Variants in GDPD5 observed in about 807,000 individuals in gnomAD.
GDPD5 encodes glycerophosphodiester phosphodiesterase 2.
Under a neutral mutation model 75.1 loss-of-function variants are expected in GDPD5, and 48 were observed. That is an observed-to-expected ratio of 0.64 (90% CI 0.51 to 0.81). The LOEUF is 0.81. Ranked by LOEUF, GDPD5 falls within the 40% of genes least tolerant of loss-of-function variation. The probability of loss-of-function intolerance (pLI) is 0.00; values close to 1 mark genes in which losing one functional copy is unlikely to be tolerated. For missense variants in GDPD5, 706 were observed against 822.6 expected (o/e 0.86, Z 1.73); for synonymous variants, 336 against 339.0 (o/e 0.99, Z 0.10).
intron 15 of GDPD5, chr11:75,439,261 T>A: frequency 4.5e-6 from 2 of 444,802 alleles, no homozygotes; most frequent in Admixed American, 2.4e-5. Flanking sequence ...GCACGGTGGG[T>A]TTTTAGACAG....
At chr11:75,443,624 T>A (rs1388428077) in intron 10 of GDPD5, among the ~76,000 whole-genome samples, 2 of 152,224 alleles carry the variant, frequency 1.3e-5, no homozygotes, top group Non-Finnish European at 2.9e-5. Flanking sequence ...GAGAGGGAAG[T>A]ATCTAGCTCA....
At chr11:75,436,044 C>T (rs770572106) in intron 16 of GDPD5, among the ~76,000 whole-genome samples, 10 of 152,164 alleles carry the variant, frequency 6.6e-5, no homozygotes, top group Non-Finnish European at 1.0e-4. Context: ...GGAACCTCAT[C>T]GGAGCCCTGG....
chr11:75,492,919 G>A (rs948419349), intron 1 of GDPD5, among the ~76,000 whole-genome samples: 20 of 151,974 alleles, frequency 1.3e-4, no homozygotes, highest in African/African-American at 3.1e-4. Context: ...TAGTAGAGAC[G>A]AGGTTTCACC....
At chr11:75,471,650 C>T (rs1019515679) in intron 3 of GDPD5, among the ~76,000 whole-genome samples, 1 of 152,062 alleles carries the variant, frequency 6.6e-6, no homozygotes, top group South Asian at 2.1e-4. Flanking sequence ...GGTGATAGTC[C>T]CCTGGTAATG....
At chr11:75,514,678 C>G (rs1592163712) in intron 1 of GDPD5, among the ~76,000 whole-genome samples, 1 of 152,250 alleles carries the variant, frequency 6.6e-6, no homozygotes, top group African/African-American at 2.4e-5. Context: ...CAGGCACTGA[C>G]AGGGCACATC....
intron 4 of GDPD5, 88 bp from the exon 5 acceptor site, chr11:75,457,874 C>T (rs866371434): frequency 2.0e-5 from 20 of 986,088 alleles, no homozygotes; most frequent in African/African-American, 3.2e-5. Context: ...TCCACACAGA[C>T]GACAGGCTGG....
intron 1 of GDPD5, among the ~76,000 whole-genome samples, chr11:75,497,991 G>A (rs1445509746): frequency 6.6e-6 from 1 of 152,236 alleles, no homozygotes; most frequent in Admixed American, 6.5e-5. Flanking sequence ...CAAACATAGG[G>A]CACTGAGGCT....
chr11:75,463,458 G>A (rs769102889), intron 3 of GDPD5, among the ~76,000 whole-genome samples: 1 of 152,280 alleles, frequency 6.6e-6, no homozygotes, highest in Non-Finnish European at 1.5e-5. Context: ...GGGGTGGCGG[G>A]GGACACTGAC....
At chr11:75,503,534 T>C (rs1950334295) in intron 1 of GDPD5, among the ~76,000 whole-genome samples, 1 of 152,198 alleles carries the variant, frequency 6.6e-6, no homozygotes, top group Admixed American at 6.5e-5. Context: ...TCCACACTAT[T>C]CACTGCTATG....
chr11:75,439,402 A>AGGGACATGCGC (rs1948724095), intron 15 of GDPD5: 2 of 455,746 alleles, frequency 4.4e-6, no homozygotes, highest in Non-Finnish European at 8.8e-6. Flanking sequence ...GGGAGAGAGG[A>AGGGACATGCGC]GGGACATGCG....
intron 2 of GDPD5, among the ~76,000 whole-genome samples, chr11:75,487,624 C>G (rs1950042090): frequency 6.6e-6 from 1 of 152,256 alleles, no homozygotes; most frequent in Non-Finnish European, 1.5e-5. Flanking sequence ...CCCAACACTT[C>G]TGTCCCAAGA....
intron 6 of GDPD5, chr11:75,452,099 C>T (rs1002740730): frequency 5.9e-5 from 9 of 152,212 alleles, no homozygotes; most frequent in African/African-American, 9.7e-5. Flanking sequence ...TTCATTCATT[C>T]GATGAGTCTG....
At chr11:75,503,170 C>A (rs1468177754) in intron 1 of GDPD5, among the ~76,000 whole-genome samples, 1 of 152,182 alleles carries the variant, frequency 6.6e-6, no homozygotes, top group Non-Finnish European at 1.5e-5. Context: ...CATGTGTGCA[C>A]CACCATGCCC....
intron 13 of GDPD5, 94 bp downstream of exon 13, chr11:75,441,552 G>A: frequency 2.5e-6 from 3 of 1,221,670 alleles, no homozygotes; most frequent in Non-Finnish European, 3.4e-6. Flanking sequence ...CCGTGTGTGT[G>A]TGTGTGTGTG....
intron 2 of GDPD5, among the ~76,000 whole-genome samples, chr11:75,488,972 T>G (rs1453990393): frequency 6.6e-6 from 1 of 152,144 alleles, no homozygotes; most frequent in Non-Finnish European, 1.5e-5. Context: ...AGTCACTGTA[T>G]AGAGGACCTA....
Position 75,449,628 on chromosome 11 carries a change from G to C in GDPD5, c.475-18C>G, listed in dbSNP as rs757420554. 3 of 1,564,328 alleles carry C rather than the reference G, an allele frequency of 1.9e-6. No individual in the cohort carries two copies. The Admixed American group carries it at 5.8e-5, about 30-fold the overall frequency. ...GCTGTGCCCTGTTTGCAGGGAGAGG[G>C]AAGGGAGACCAGTAACGCCCAGCTC... On this transcript the variant is annotated intron_variant, in intron 7 of 16. Coordinates refer to ENST00000336898, the MANE Select transcript of GDPD5 (RefSeq NM_030792.8).
chr11:75,513,205 C>G (rs1950566194), intron 1 of GDPD5, among the ~76,000 whole-genome samples: 1 of 152,234 alleles, frequency 6.6e-6, no homozygotes, highest in African/African-American at 2.4e-5. Flanking sequence ...CCTTCCTTCT[C>G]TCAGCCTCCA....
Position 75,454,233 on chromosome 11 carries a change from C to T in GDPD5, c.375+2524G>A, listed in dbSNP as rs553994799. 7.8e-4 allele frequency among the ~76,000 whole-genome samples: 118 copies of T among 152,216 alleles called. 1 individual carries two copies. The South Asian group carries it at 0.01, about 13-fold the overall frequency. On this transcript the variant is annotated intron_variant, in intron 6 of 16. Coordinates refer to ENST00000336898, the MANE Select transcript of GDPD5 (RefSeq NM_030792.8). ...AGAGACAGTTTTATAGAAAAGAAAACACAAGTTACTCAAACATGTGAAAAA... is the reference window on the plus strand; with the variant it reads ...AGAGACAGTTTTATAGAAAAGAAAATACAAGTTACTCAAACATGTGAAAAA...
At chr11:75,483,981 G>A (rs1019861311) in intron 2 of GDPD5, among the ~76,000 whole-genome samples, 10 of 152,220 alleles carry the variant, frequency 6.6e-5, no homozygotes, top group Admixed American at 2.0e-4. Flanking sequence ...GAGGTCAGGA[G>A]TTCAAGACCA....
Sources: gnomAD v4.1 joint callset for allele counts (sites outside exome capture counted in the v4.1 genomes callset) on GRCh38, gnomAD v4.1.1 for gene constraint, MANE v1.5 for transcripts, NCBI Gene and HGNC (gene_info 2026-07-23, HGNC 2026-07-21) for gene names.